MOCOS: variants seen among roughly 807,000 people sequenced by gnomAD.
MOCOS encodes the protein molybdenum cofactor sulfurase.
A neutral mutation model predicts 83.6 loss-of-function variants in MOCOS; 86 were observed. The observed-to-expected ratio is 1.03, with a 90% CI of 0.86 to 1.23. The LOEUF (loss-of-function observed/expected upper bound fraction) is 1.23. Ranked by LOEUF, MOCOS falls within the 50% of genes most tolerant of loss-of-function variation. The probability of loss-of-function intolerance (pLI) is 0.00; values close to 1 mark genes in which losing one functional copy is unlikely to be tolerated. For synonymous variants in MOCOS, 445 were observed against 434.7 expected, an observed-to-expected ratio of 1.02 and a Z score of -0.29; for missense variants, 1,120 against 1,126.9, an observed-to-expected ratio of 0.99 and a Z score of 0.09.
chr18:36,187,633 C>A lies in MOCOS; in HGVS notation c.94C>A (p.Pro32Thr). The A allele has an allele frequency of 8.0e-7, 1 of 1,250,770 alleles. No homozygotes were observed. Among genetic ancestry groups the A allele is most frequent in the Non-Finnish European group, 1.0e-6 (1 of 997,176 alleles). The allele number at this position is 1,250,770 out of a possible 1,614,324, so 77.5% of individuals were successfully genotyped here. Residue 32 changes from proline (P) to threonine (T), a missense_variant, in exon 1 of 15, where the codon CCG (proline) becomes ACG (threonine). By Grantham distance (38) the Pro-to-Thr change is conservative. Transcript: ENST00000261326. ...ACCGCGGCTAGCCTACGGCTACGGC[C>A]CGGGCAGCCTGCGCGAGCTGCGGGC... ...SAPRLAYGYG[P>T]GSLRELRARE... is the part of the protein sequence containing the mutation.
chr18:36,215,411 T>C (rs913928300), intron 7 of MOCOS, 105 bp from the exon 8 acceptor site: 224 of 1,087,530 alleles, frequency 2.1e-4, no homozygotes, highest in Non-Finnish European at 2.7e-4. Context: ...AGTTCTGTTT[T>C]CCTGGGTTAA....
rs538929282 is a variant in MOCOS at position 36,259,647 on chromosome 18, A to T, written c.2271-390A>T. On this transcript the variant is annotated intron_variant, in intron 12 of 14. Transcript: ENST00000261326. ...AGTGCTTCTTAGGTCTTTGATCATTAAGCCTGTTGACAGGTTTTTAAATGC... is the reference window on the plus strand; with the variant it reads ...AGTGCTTCTTAGGTCTTTGATCATTTAGCCTGTTGACAGGTTTTTAAATGC... 3.2e-4 allele frequency among the ~76,000 whole-genome samples: 48 copies of T among 152,020 alleles called. No individual in the cohort carries two copies. In the South Asian group the frequency reaches 9.8e-3, roughly 31 times the overall value.
At chr18:36,252,367 T>C (rs907202870) in intron 11 of MOCOS, among the ~76,000 whole-genome samples, 1 of 151,946 alleles carries the variant, frequency 6.6e-6, no homozygotes, top group Non-Finnish European at 1.5e-5. Flanking sequence ...CAAAATAAGA[T>C]ACAAAAATTA....
At chr18:36,216,797 T>C (rs1319096887) in intron 8 of MOCOS, among the ~76,000 whole-genome samples, 1 of 152,170 alleles carries the variant, frequency 6.6e-6, no homozygotes, top group East Asian at 1.9e-4. Context: ...AATTTTACAA[T>C]GGAGAAACCT....
At chr18:36,193,484 C>T (rs1045809051) in intron 1 of MOCOS, among the ~76,000 whole-genome samples, 22 of 151,896 alleles carry the variant, frequency 1.4e-4, no homozygotes, top group Non-Finnish European at 2.6e-4. Flanking sequence ...GACTATTCAA[C>T]GAGGGAAATA....
intron 9 of MOCOS, among the ~76,000 whole-genome samples, chr18:36,226,591 A>T (rs910611528): frequency 6.6e-6 from 1 of 151,444 alleles, no homozygotes; most frequent in African/African-American, 2.4e-5. Context: ...GTTTTCTGTT[A>T]GTCTTATAGT....
Position 36,200,148 on chromosome 18 carries a change from C to T in MOCOS, c.765C>T (p.Ala255=), listed in dbSNP as rs368868708. ...CTTTGGACCTGTCAGCTCACCAGGC[C>T]GACTTTGTCCCCATCTCCTTCTATA... ...TSPLDLSAHQ[A]DFVPISFYKI... The change falls in exon 4 of 15, where the codon GCC becomes GCT. Residue 255 remains alanine, a synonymous_variant. Transcript: ENST00000261326. The T allele has an allele frequency of 6.8e-5, 109 of 1,614,048 alleles. No individual in the cohort carries two copies. The East Asian group carries it at 1.4e-3, about 20-fold the overall frequency.
At chr18:36,219,609 G>A (rs1384310264) in intron 8 of MOCOS, among the ~76,000 whole-genome samples, 1 of 152,122 alleles carries the variant, frequency 6.6e-6, no homozygotes, top group Non-Finnish European at 1.5e-5. Flanking sequence ...AACCCAGGAG[G>A]CAGAGGTTGC....
chr18:36,241,791 CTT>C (rs542166789), intron 9 of MOCOS, among the ~76,000 whole-genome samples: 280 of 152,340 alleles, frequency 1.8e-3, no homozygotes, highest in Non-Finnish European at 2.9e-3. Flanking sequence ...CAGTTCTTGA[CTT>C]TTGTGTACCC....
At position 36,268,769 on chromosome 18, in the gene MOCOS, G is replaced by A. The variant is rs948009454; in HGVS notation, c.*84G>A. On this transcript the variant is annotated 3_prime_UTR_variant, in exon 15 of 15. Transcript: ENST00000261326. Reference sequence around the variant, plus strand: ...GCAACTTGGTTCAGTAGAACTTGATGTTTTGAATAAGGAGAGCTCTTTTTC... The same window carrying A: ...GCAACTTGGTTCAGTAGAACTTGATATTTTGAATAAGGAGAGCTCTTTTTC... The A allele has an allele frequency of 2.0e-5, 24 of 1,177,592 alleles. No individual in the cohort carries two copies. Among genetic ancestry groups the A allele is most frequent in the East Asian group, 4.7e-5 (2 of 42,146 alleles). The allele number at this position is 1,177,592 out of a possible 1,614,324, so 72.9% of individuals were successfully genotyped here.
intron 8 of MOCOS, among the ~76,000 whole-genome samples, chr18:36,218,261 C>T (rs970219344): frequency 6.6e-6 from 1 of 152,000 alleles, no homozygotes; most frequent in Non-Finnish European, 1.5e-5. Context: ...GCTTTTGATA[C>T]CTATACCCAC....
intron 9 of MOCOS, among the ~76,000 whole-genome samples, chr18:36,225,643 T>G (rs761698040): frequency 6.6e-6 from 1 of 152,162 alleles, no homozygotes; most frequent in Non-Finnish European, 1.5e-5. Context: ...AAAATTAGGT[T>G]GTTTGAGATC....
intron 1 of MOCOS, among the ~76,000 whole-genome samples, chr18:36,193,037 C>G (rs938479369): frequency 6.6e-6 from 1 of 151,942 alleles, no homozygotes; most frequent in African/African-American, 2.4e-5. Flanking sequence ...ATGGGCCGGG[C>G]GCGGTGGCTC....
At position 36,268,732 on chromosome 18, in the gene MOCOS, T is replaced by C. The variant is rs2091690062; in HGVS notation, c.*47T>C. ...TTCTCTTTTACAGTGATCTCTATTA[T>C]TGTTAAGATCTGCAACTTGGTTCAG... On this transcript the variant is annotated 3_prime_UTR_variant, in exon 15 of 15. Coordinates refer to ENST00000261326, the MANE Select transcript of MOCOS (RefSeq NM_017947.4). 6.7e-7 allele frequency: 1 copy of C among 1,499,318 alleles called. No homozygotes were observed. The highest frequency in any genetic ancestry group is 2.3e-5 in the East Asian group (1 of 44,318). The allele number at this position is 1,499,318 out of a possible 1,614,324, so 92.9% of individuals were successfully genotyped here. A position where few individuals can be genotyped will look rare whatever the true frequency, so the allele number is the denominator to read the frequency against.
At chr18:36,187,890 G>T (rs1286821528) in intron 1 of MOCOS, among the ~76,000 whole-genome samples, 1 of 152,190 alleles carries the variant, frequency 6.6e-6, no homozygotes, top group Non-Finnish European at 1.5e-5. Flanking sequence ...TTACTCTTCC[G>T]ACTTTCCGGT....
intron 9 of MOCOS, among the ~76,000 whole-genome samples, chr18:36,230,467 T>C (rs2091533811): frequency 1.3e-5 from 2 of 152,150 alleles, no homozygotes; most frequent in South Asian, 2.1e-4. Context: ...ACCAATCAGA[T>C]TGGCCAGAGA....
At chr18:36,220,968 G>C (rs2091493857) in intron 9 of MOCOS, among the ~76,000 whole-genome samples, 1 of 151,284 alleles carries the variant, frequency 6.6e-6, no homozygotes, top group African/African-American at 2.4e-5. Flanking sequence ...ATATTAATTA[G>C]ATGATGTCCT....
intron 1 of MOCOS, among the ~76,000 whole-genome samples, chr18:36,191,804 T>G (rs913275419): frequency 1.6e-4 from 25 of 152,238 alleles, no homozygotes; most frequent in African/African-American, 5.8e-4. Context: ...TGACATAGTT[T>G]GTGTTTAAGG....
Position 36,205,262 on chromosome 18 carries a change from A to G in MOCOS, c.1204A>G (p.Ile402Val), listed in dbSNP as rs1435462498. 5 of 1,613,628 alleles carry G rather than the reference A, an allele frequency of 3.1e-6. No individual in the cohort carries two copies. The highest frequency in any genetic ancestry group is 1.1e-5 in the South Asian group (1 of 91,048). The change falls in exon 6 of 15, where the codon ATT (isoleucine) becomes GTT (valine). Residue 402 changes from isoleucine to valine, a missense_variant. Transcript: ENST00000261326. ...FNVLDDKGNI[I>V]GYSQVDKMAS... ...TGTGCTGGATGACAAAGGGAACATC[A>G]TTGGTTACTCCCAGGTGGGTTTTCT...
Sources: gnomAD v4.1 joint callset for allele counts (sites outside exome capture counted in the v4.1 genomes callset) on GRCh38, gnomAD v4.1.1 for gene constraint, MANE v1.5 for transcripts, NCBI Gene and HGNC (gene_info 2026-07-23, HGNC 2026-07-21) for gene names.